Variants in CTNNA2 observed in about 807,000 individuals in gnomAD.
CTNNA2 encodes catenin alpha 2, also known as catenin alpha-2.
A neutral mutation model predicts 101.0 loss-of-function variants in CTNNA2; 42 were observed. That is an observed-to-expected ratio of 0.42 (90% confidence interval 0.32 to 0.54). The LOEUF (loss-of-function observed/expected upper bound fraction) is 0.54, where lower values mean the gene tolerates loss of function less well. Ranked by LOEUF, CTNNA2 falls within the 20% of genes least tolerant of loss-of-function variation. The probability of loss-of-function intolerance (pLI) is 0.14; values close to 1 mark genes in which losing one functional copy is unlikely to be tolerated. For synonymous variants in CTNNA2, 450 were observed against 456.4 expected (o/e 0.99, Z 0.18); for missense variants, 871 against 1,223.1 (o/e 0.71, Z 4.29).
At chr2:80,445,235 G>A (rs896778931) in intron 9 of CTNNA2, among the ~76,000 whole-genome samples, 1 of 151,962 alleles carries the variant, frequency 6.6e-6, no homozygotes, top group African/African-American at 2.4e-5. Context: ...GGGCTGGAGT[G>A]CAGTGGCCCA....
At chr2:80,217,980 A>G (rs1708367127) in intron 7 of CTNNA2, among the ~76,000 whole-genome samples, 2 of 152,214 alleles carry the variant, frequency 1.3e-5, no homozygotes, top group Admixed American at 1.3e-4. Context: ...ATTATGATGT[A>G]TCCTCTCAAT....
chr2:79,314,850 T>C (rs983381759), intron 3 of CTNNA2, among the ~76,000 whole-genome samples: 2 of 152,224 alleles, frequency 1.3e-5, no homozygotes, highest in Non-Finnish European at 2.9e-5. Context: ...TACTTTCTGA[T>C]ACCCAGGTAT....
At chr2:79,245,189 G>C (rs1429698383) in intron 2 of CTNNA2, among the ~76,000 whole-genome samples, 1 of 151,612 alleles carries the variant, frequency 6.6e-6, no homozygotes, top group South Asian at 2.1e-4. Flanking sequence ...AGTGGCTCAC[G>C]CCTATAATCT....
chr2:79,520,741 T>G (rs1388696623), intron 1 of CTNNA2, among the ~76,000 whole-genome samples: 2 of 152,118 alleles, frequency 1.3e-5, no homozygotes, highest in Non-Finnish European at 2.9e-5. Context: ...AACTCTATAA[T>G]TCACCGAAAT....
At chr2:80,117,455 A>AGAGTGTGTGTGT (rs143379167) in intron 7 of CTNNA2, among the ~76,000 whole-genome samples, 36 of 145,990 alleles carry the variant, frequency 2.5e-4, no homozygotes, top group African/African-American at 6.9e-4. Flanking sequence ...TTCCTGTGTG[A>AGAGTGTGTGTGT]GTGTGTGTGT....
At chr2:79,697,446 T>G (rs1684719292) in intron 2 of CTNNA2, among the ~76,000 whole-genome samples, 1 of 152,088 alleles carries the variant, frequency 6.6e-6, no homozygotes, top group Admixed American at 6.6e-5. Flanking sequence ...TCCTTATAGT[T>G]TCCTGGATAT....
intron 5 of CTNNA2, among the ~76,000 whole-genome samples, chr2:79,873,427 A>G (rs545411298): frequency 9.1e-4 from 139 of 152,310 alleles, no homozygotes; most frequent in Middle Eastern, 3.4e-3. Context: ...GAAGAGAAAT[A>G]TATGCTCAAA....
intron 7 of CTNNA2, among the ~76,000 whole-genome samples, chr2:80,360,749 G>A (rs1008619041): frequency 3.9e-5 from 6 of 151,990 alleles, no homozygotes; most frequent in Admixed American, 3.9e-4. Context: ...TTTTTTTAAT[G>A]AAGTTAAAGT....
intron 1 of CTNNA2, among the ~76,000 whole-genome samples, chr2:79,570,342 C>T (rs1675385909): frequency 6.6e-6 from 1 of 152,032 alleles, no homozygotes; most frequent in African/African-American, 2.4e-5. Flanking sequence ...AGGTGTTTAG[C>T]AGGTGCCTAG....
At chr2:80,453,919 A>AG (rs1282589329) in intron 9 of CTNNA2, among the ~76,000 whole-genome samples, 1 of 152,212 alleles carries the variant, frequency 6.6e-6, no homozygotes, top group Non-Finnish European at 1.5e-5. Context: ...TAGCTGCTGT[A>AG]GGAACTCTCC....
At chr2:79,462,395 G>C (rs1414798472) in intron 4 of CTNNA2, among the ~76,000 whole-genome samples, 1 of 152,140 alleles carries the variant, frequency 6.6e-6, no homozygotes, top group Non-Finnish European at 1.5e-5. Flanking sequence ...ATTGTGGAAT[G>C]ACATCCTCCA....
chr2:79,441,420 T>G (rs144055250), intron 4 of CTNNA2, among the ~76,000 whole-genome samples: 9 of 152,322 alleles, frequency 5.9e-5, no homozygotes, highest in African/African-American at 2.2e-4. Flanking sequence ...TTGCCTCCTC[T>G]CTGTCTCCAC....
At chr2:80,341,367 C>T (rs778921967) in intron 7 of CTNNA2, among the ~76,000 whole-genome samples, 11 of 152,118 alleles carry the variant, frequency 7.2e-5, no homozygotes, top group Non-Finnish European at 1.6e-4. Context: ...AAAAGACGCT[C>T]ATCACTCTAG....
chr2:79,679,738 TGCAAAACCTCTGTTTGGAGGAAGACAGGA>T (rs1683430454), intron 2 of CTNNA2, among the ~76,000 whole-genome samples: 1 of 152,158 alleles, frequency 6.6e-6, no homozygotes, highest in Non-Finnish European at 1.5e-5. Context: ...ACTGTAGGCT[TGCAAAACCTCTGTTTGGAGGAAGACAGGA>T]GGGACCAGTG....
intron 9 of CTNNA2, among the ~76,000 whole-genome samples, chr2:80,474,072 C>T (rs939989341): frequency 1.1e-4 from 17 of 152,166 alleles, no homozygotes; most frequent in African/African-American, 2.7e-4. Context: ...TGCTTCCTGA[C>T]GCTGAGGCCA....
intron 2 of CTNNA2, among the ~76,000 whole-genome samples, chr2:79,667,509 A>T (rs1447428058): frequency 2.0e-5 from 3 of 152,038 alleles, no homozygotes; most frequent in Non-Finnish European, 2.9e-5. Flanking sequence ...ACTCATTGGG[A>T]GTTTATTGAA....
intron 7 of CTNNA2, among the ~76,000 whole-genome samples, chr2:80,352,143 C>T (rs1235429404): frequency 6.6e-6 from 1 of 152,068 alleles, no homozygotes; most frequent in African/African-American, 2.4e-5. Context: ...TGTAGCAATC[C>T]AGCTTTCAAG....
At chr2:80,073,924 C>A (rs557986246) in intron 7 of CTNNA2, among the ~76,000 whole-genome samples, 1 of 152,040 alleles carries the variant, frequency 6.6e-6, no homozygotes, top group East Asian at 1.9e-4. Context: ...ATTAACTAAT[C>A]CTCTATTTCT....
chr2:79,508,541 G>A (rs1325264512), upstream of CTNNA2, among the ~76,000 whole-genome samples: 1 of 151,952 alleles, frequency 6.6e-6, no homozygotes, highest in Non-Finnish European at 1.5e-5. Flanking sequence ...AAGATTAATT[G>A]GAAATAAAAG....
Sources: gnomAD v4.1 joint callset for allele counts (sites outside exome capture counted in the v4.1 genomes callset) on GRCh38, gnomAD v4.1.1 for gene constraint, MANE v1.5 for transcripts, NCBI Gene and HGNC (gene_info 2026-07-23, HGNC 2026-07-21) for gene names.